Variants in MARCHF1 observed in about 807,000 individuals in gnomAD.
MARCHF1 encodes the protein membrane associated ring-CH-type finger 1, also known as E3 ubiquitin-protein ligase MARCHF1.
A neutral mutation model predicts 54.2 loss-of-function variants in MARCHF1; 40 were observed. That is an observed-to-expected ratio of 0.74 (90% confidence interval 0.57 to 0.96). MARCHF1 has a LOEUF of 0.96. MARCHF1 is among the 40% of genes least tolerant of loss of function. MARCHF1 has a pLI of 0.00. For synonymous variants in MARCHF1, 236 were observed against 236.3 expected, an observed-to-expected ratio of 1.00 and a Z score of 0.01; for missense variants, 586 against 656.5, an observed-to-expected ratio of 0.89 and a Z score of 1.17.
chr4:164,100,342 G>A (rs542988520), intron 2 of MARCHF1, among the ~76,000 whole-genome samples: 1 of 152,186 alleles, frequency 6.6e-6, no homozygotes, highest in African/African-American at 2.4e-5. Context: ...ACGGTATGTG[G>A]TATATCTCCA....
chr4:164,026,692 A>G (rs999270390), intron 2 of MARCHF1, among the ~76,000 whole-genome samples: 12 of 152,116 alleles, frequency 7.9e-5, no homozygotes, highest in Admixed American at 2.0e-4. Flanking sequence ...AAGGATGCCC[A>G]GTCTCACAAC....
chr4:163,885,768 G>A (rs1321581903), intron 3 of MARCHF1, among the ~76,000 whole-genome samples: 4 of 151,596 alleles, frequency 2.6e-5, no homozygotes, highest in Non-Finnish European at 4.4e-5. Flanking sequence ...TGTAATTATT[G>A]CAAAGAAAAT....
intron 7 of MARCHF1, among the ~76,000 whole-genome samples, chr4:163,610,708 T>G (rs1328582490): frequency 2.6e-5 from 4 of 152,084 alleles, no homozygotes; most frequent in Non-Finnish European, 5.9e-5. Context: ...GAAATTTACA[T>G]TTATAGGTAA....
chr4:163,786,229 G>A (rs4691934), intron 4 of MARCHF1, among the ~76,000 whole-genome samples: 41,085 of 151,814 alleles, frequency 0.27, 6,753 homozygotes, highest in Non-Finnish European at 0.38. Context: ...GGAAATTAAT[G>A]CATTCACTCT....
At chr4:164,161,525 A>AATCATC (rs71600682) in intron 1 of MARCHF1, among the ~76,000 whole-genome samples, 22,104 of 149,358 alleles carry the variant, frequency 0.15, 2,056 homozygotes, top group Non-Finnish European at 0.22. Context: ...GTGATATCAA[A>AATCATC]ATCATCATCA....
intron 1 of MARCHF1, among the ~76,000 whole-genome samples, chr4:164,248,222 C>T (rs1211540839): frequency 1.3e-5 from 2 of 151,916 alleles, no homozygotes; most frequent in East Asian, 3.9e-4. Flanking sequence ...TATTCTCGAG[C>T]TGGTTATGTG....
intron 5 of MARCHF1, among the ~76,000 whole-genome samples, chr4:163,629,774 A>G (rs762934402): frequency 2.0e-5 from 3 of 152,226 alleles, no homozygotes; most frequent in African/African-American, 4.8e-5. Flanking sequence ...TGGCACGTGT[A>G]TAGCTATGTA....
chr4:164,361,353 C>T (rs1405248800), intron 1 of MARCHF1, among the ~76,000 whole-genome samples: 1 of 152,150 alleles, frequency 6.6e-6, no homozygotes, highest in Non-Finnish European at 1.5e-5. Flanking sequence ...CAGCAACCAC[C>T]ATCCTCCTAC....
chr4:164,101,176 A>G (rs1462028010), intron 2 of MARCHF1, among the ~76,000 whole-genome samples: 1 of 152,200 alleles, frequency 6.6e-6, no homozygotes, highest in Non-Finnish European at 1.5e-5. Flanking sequence ...GGCAGCAGCG[A>G]GGCCGGGGGA....
chr4:163,843,740 T>C (rs1749406604), intron 4 of MARCHF1, among the ~76,000 whole-genome samples: 1 of 152,100 alleles, frequency 6.6e-6, no homozygotes, highest in African/African-American at 2.4e-5. Context: ...TCTCCTTGTG[T>C]CCATGTGTTC....
intron 5 of MARCHF1, among the ~76,000 whole-genome samples, chr4:163,685,448 ATTTTAT>A (rs1459526380): frequency 6.6e-6 from 1 of 151,930 alleles, no homozygotes; most frequent in Non-Finnish European, 1.5e-5. Flanking sequence ...CCAATTATTT[ATTTTAT>A]TTTTATTTTT....
At chr4:164,284,327 A>T (rs1734093435) in intron 1 of MARCHF1, among the ~76,000 whole-genome samples, 2 of 123,948 alleles carry the variant, frequency 1.6e-5, no homozygotes. Context: ...AGTGAGAGAG[A>T]GAGAGACAGA....
chr4:163,891,382 A>G (rs1465377568), intron 3 of MARCHF1, among the ~76,000 whole-genome samples: 1 of 152,170 alleles, frequency 6.6e-6, no homozygotes, highest in Non-Finnish European at 1.5e-5. Context: ...GAGATTTCCA[A>G]TTAAATTATT....
intron 1 of MARCHF1, chr4:164,383,498 G>A (rs1178122262): frequency 6.6e-6 from 1 of 152,334 alleles, no homozygotes; most frequent in Non-Finnish European, 1.5e-5. Context: ...GCGGCTCCGT[G>A]ACTAGTACCA....
intron 3 of MARCHF1, among the ~76,000 whole-genome samples, chr4:163,926,738 C>T (rs1281535763): frequency 6.6e-6 from 1 of 151,412 alleles, no homozygotes; most frequent in African/African-American, 2.4e-5. Context: ...GATACTAAGA[C>T]ATTTATATTT....
chr4:164,133,114 G>A (rs1756335161), intron 1 of MARCHF1, among the ~76,000 whole-genome samples: 1 of 152,146 alleles, frequency 6.6e-6, no homozygotes, highest in Admixed American at 6.6e-5. Context: ...TCTGACTGGT[G>A]TATTTGGGAG....
intron 2 of MARCHF1, among the ~76,000 whole-genome samples, chr4:164,022,816 T>A (rs928123911): frequency 6.6e-6 from 1 of 152,210 alleles, no homozygotes; most frequent in Non-Finnish European, 1.5e-5. Flanking sequence ...ATCTGTTGCA[T>A]AGGCCTTCCT....
intron 3 of MARCHF1, among the ~76,000 whole-genome samples, chr4:163,878,897 C>T (rs142066943): frequency 2.4e-4 from 36 of 152,276 alleles, no homozygotes; most frequent in African/African-American, 7.9e-4. Context: ...ATGAAATGTT[C>T]AGGACTAGGC....
chr4:164,038,360 G>A (rs888946610), intron 2 of MARCHF1, among the ~76,000 whole-genome samples: 29 of 152,164 alleles, frequency 1.9e-4, no homozygotes, highest in African/African-American at 6.5e-4. Flanking sequence ...CAGGCGTGGT[G>A]GCGGCACCTG....
Sources: gnomAD v4.1 joint callset for allele counts (sites outside exome capture counted in the v4.1 genomes callset) on GRCh38, gnomAD v4.1.1 for gene constraint, MANE v1.5 for transcripts, NCBI Gene and HGNC (gene_info 2026-07-23, HGNC 2026-07-21) for gene names.